TTC23: variants seen among roughly 807,000 people sequenced by gnomAD.
TTC23 encodes the protein tetratricopeptide repeat protein 23.
Under a neutral mutation model 55.1 loss-of-function variants are expected in TTC23, and 58 were observed. The ratio of observed to expected loss-of-function variants is 1.05; its 90% CI spans 0.85 to 1.31. The LOEUF (loss-of-function observed/expected upper bound fraction) is 1.31, where lower values mean the gene tolerates loss of function less well. TTC23 is among the 50% of genes most tolerant of loss of function. TTC23 has a pLI of 0.00. For synonymous variants in TTC23, 203 were observed against 199.9 expected, an observed-to-expected ratio of 1.02 and a Z score of -0.13; for missense variants, 516 against 534.4, an observed-to-expected ratio of 0.97 and a Z score of 0.34.
At chr15:99,155,984 T>C (rs2070488716) in intron 12 of TTC23, 164 bp downstream of exon 12, 1 of 855,194 alleles carries the variant, frequency 1.2e-6, no homozygotes, top group Non-Finnish European at 1.8e-6. Flanking sequence ...CTATGTCTTT[T>C]ACCCAAAAAG....
intron 12 of TTC23, among the ~76,000 whole-genome samples, chr15:99,151,918 C>G (rs76233170): frequency 3.3e-5 from 5 of 152,170 alleles, no homozygotes; most frequent in African/African-American, 1.2e-4. Context: ...GGCCAAGACA[C>G]GTCTCTCTCA....
At chr15:99,139,439 GT>G in intron 12 of TTC23, 40 bp from the exon 13 acceptor site, 1 of 1,613,568 alleles carries the variant, frequency 6.2e-7, no homozygotes, top group Non-Finnish European at 8.5e-7. Context: ...CTATGGAAGT[GT>G]CGCTGAGAGC....
intron 3 of TTC23, among the ~76,000 whole-genome samples, chr15:99,237,382 GA>G (rs201499308): frequency 6.6e-6 from 1 of 151,514 alleles, no homozygotes; most frequent in African/African-American, 2.4e-5. Flanking sequence ...TAAAAAACTA[GA>G]AAAAAAACCC....
In TTC23 at chr15:99,161,793, G is replaced by T; in HGVS notation, c.940C>A (p.Leu314Ile). The T allele has an allele frequency of 6.2e-7, 1 of 1,613,632 alleles. No homozygotes were observed. The highest frequency in any genetic ancestry group is 8.5e-7 in the Non-Finnish European group (1 of 1,179,916). The stretch of plus-strand genomic sequence containing the variant: ...TGGCAAAATTCATCTTGAATTGAAA[G>T]AAATTTGGTTCTTCCCATCCCTTCA... ...DSEGMGRTKFLSIQDEFCHFL... is the reference protein window; with the variant it reads ...DSEGMGRTKFISIQDEFCHFL... Residue 314 changes from leucine (L) to isoleucine (I), a missense_variant, in exon 11 of 14, where the codon CTT becomes ATT. Coordinates refer to ENST00000394132, the MANE Select transcript of TTC23 (RefSeq NM_001288615.3).
At chr15:99,202,324 A>T (rs918387488) in intron 8 of TTC23, among the ~76,000 whole-genome samples, 1 of 152,320 alleles carries the variant, frequency 6.6e-6, no homozygotes, top group Middle Eastern at 3.4e-3. Context: ...TTCATAAAAG[A>T]TGCAGTGTGC....
chr15:99,142,816 G>A (rs1376239897), intron 12 of TTC23, among the ~76,000 whole-genome samples: 3 of 152,138 alleles, frequency 2.0e-5, no homozygotes, highest in South Asian at 2.1e-4. Context: ...TTTTCCCTGG[G>A]AGCATTTTCA....
intron 4 of TTC23, among the ~76,000 whole-genome samples, chr15:99,230,674 T>C (rs4965460): frequency 0.21 from 32,115 of 152,096 alleles, 3,568 homozygotes; most frequent in East Asian, 0.38. Flanking sequence ...CTTAGGGGAA[T>C]AAAAAGCAAA....
At chr15:99,238,283 A>C (rs1277901388) in intron 3 of TTC23, among the ~76,000 whole-genome samples, 1 of 152,094 alleles carries the variant, frequency 6.6e-6, no homozygotes, top group Non-Finnish European at 1.5e-5. Context: ...TCATTTAGTT[A>C]TTCATTCCAC....
chr15:99,151,123 A>C (rs1231806517), intron 12 of TTC23, among the ~76,000 whole-genome samples: 1 of 152,130 alleles, frequency 6.6e-6, no homozygotes, highest in African/African-American at 2.4e-5. Flanking sequence ...GGACATTTTT[A>C]AGGGAAGGGG....
chr15:99,154,425 G>A (rs2070265604), intron 12 of TTC23, among the ~76,000 whole-genome samples: 1 of 152,132 alleles, frequency 6.6e-6, no homozygotes, highest in Non-Finnish European at 1.5e-5. Flanking sequence ...AGGCCATGAG[G>A]ACTCTGCCCT....
intron 8 of TTC23, among the ~76,000 whole-genome samples, chr15:99,204,391 G>A (rs915670426): frequency 2.0e-5 from 3 of 152,030 alleles, no homozygotes; most frequent in South Asian, 2.1e-4. Flanking sequence ...TTAATCCCTC[G>A]ACAGATGGGT....
chr15:99,172,207 G>A (rs1336564234), intron 10 of TTC23, among the ~76,000 whole-genome samples: 2 of 151,702 alleles, frequency 1.3e-5, no homozygotes, highest in African/African-American at 4.8e-5. Context: ...CAGTAGAGAC[G>A]GGGTTTCATT....
At chr15:99,234,699 G>A (rs550387057) in intron 4 of TTC23, among the ~76,000 whole-genome samples, 8 of 152,062 alleles carry the variant, frequency 5.3e-5, no homozygotes, top group African/African-American at 1.2e-4. Context: ...TTTAACAGAC[G>A]CTTCATCAAA....
chr15:99,152,665 C>T (rs1485137732), intron 12 of TTC23, among the ~76,000 whole-genome samples: 2 of 152,210 alleles, frequency 1.3e-5, no homozygotes, highest in African/African-American at 4.8e-5. Flanking sequence ...ACCACCACGC[C>T]TGGCCTCAGG....
At chr15:99,191,852 A>T (rs1050335920) in intron 9 of TTC23, among the ~76,000 whole-genome samples, 19 of 152,222 alleles carry the variant, frequency 1.2e-4, no homozygotes, top group African/African-American at 4.6e-4. Flanking sequence ...AAAATGTGGG[A>T]AAGTTTGGAA....
At chr15:99,229,738 G>C (rs1038184358) in intron 4 of TTC23, among the ~76,000 whole-genome samples, 1 of 152,224 alleles carries the variant, frequency 6.6e-6, no homozygotes, top group Non-Finnish European at 1.5e-5. Flanking sequence ...ACAGTGTTTT[G>C]TGCTAACGTA....
intron 8 of TTC23, among the ~76,000 whole-genome samples, chr15:99,204,349 C>G (rs538471001): frequency 2.0e-5 from 3 of 152,164 alleles, no homozygotes; most frequent in African/African-American, 7.2e-5. Flanking sequence ...TTTTTCTATT[C>G]AGTTGTTTGA....
intron 10 of TTC23, among the ~76,000 whole-genome samples, chr15:99,164,128 A>T (rs2071740272): frequency 6.6e-6 from 1 of 152,194 alleles, no homozygotes; most frequent in Non-Finnish European, 1.5e-5. Context: ...CCAGCACAGA[A>T]ACTAGTCTGA....
rs117612993 is a variant in TTC23, at chr15:99,144,381, A to G, written c.1144-4982T>C. 3 of 152,240 alleles carry G rather than the reference A, an allele frequency of 2.0e-5. No homozygotes were observed. The East Asian group carries it at 5.8e-4, about 29-fold the overall frequency. 9.4% of individuals were successfully genotyped at this position (152,240 alleles called of 1,614,324 possible). On this transcript the variant is annotated intron_variant, in intron 12 of 13. Transcript: ENST00000394132. ...CTCATTTAAAAACCCACAGTAATTCAATACCCAAACTCAGGAAGAATATTT... is the reference window on the plus strand; with the variant it reads ...CTCATTTAAAAACCCACAGTAATTCGATACCCAAACTCAGGAAGAATATTT...
Sources: allele counts gnomAD v4.1 joint callset (sites outside exome capture counted in the v4.1 genomes callset), GRCh38; gene constraint gnomAD v4.1.1; transcripts MANE v1.5; gene names NCBI Gene and HGNC (gene_info 2026-07-23, HGNC 2026-07-21).